The following C7orf78 variants were observed in gnomAD, a reference collection of about 807,000 sequenced individuals.
C7orf78 encodes the protein putative uncharacterized protein C7orf78.
chr7:12,512,768 C>T, the C7orf78 span, among the ~76,000 whole-genome samples: 1 of 152,080 alleles, frequency 6.6e-6, no homozygotes, highest in Non-Finnish European at 1.5e-5. Context: ...TAGTTCTTTA[C>T]ATGTTTAGTA....
chr7:12,505,797 G>A, the C7orf78 span, among the ~76,000 whole-genome samples: 68,838 of 151,810 alleles, frequency 0.45, 15,909 homozygotes, highest in African/African-American at 0.48. Flanking sequence ...ATTGTCTTCA[G>A]TTATTCAAGT....
At chr7:12,539,476 A>C in the C7orf78 span, among the ~76,000 whole-genome samples, 1 of 152,166 alleles carries the variant, frequency 6.6e-6, no homozygotes, top group Non-Finnish European at 1.5e-5. Context: ...AAAACAAAAA[A>C]ACAAAGCCTT....
chr7:12,497,745 G>A, the C7orf78 span, among the ~76,000 whole-genome samples: 2 of 151,464 alleles, frequency 1.3e-5, no homozygotes, highest in African/African-American at 2.4e-5. Flanking sequence ...GCTCAAGGAG[G>A]CCTGCCTGCC....
chr7:12,524,967 T>C, the C7orf78 span, among the ~76,000 whole-genome samples: 428 of 152,320 alleles, frequency 2.8e-3, 5 homozygotes, highest in African/African-American at 9.9e-3. Flanking sequence ...GGCAGAGTGT[T>C]ATAAATTGTG....
the C7orf78 span, among the ~76,000 whole-genome samples, chr7:12,524,669 C>T: frequency 6.6e-6 from 1 of 151,848 alleles, no homozygotes; most frequent in Non-Finnish European, 1.5e-5. Flanking sequence ...ATGGTGAAAC[C>T]CCGTCTTTAC....
the C7orf78 span, among the ~76,000 whole-genome samples, chr7:12,539,711 C>G: frequency 6.6e-6 from 1 of 152,178 alleles, no homozygotes; most frequent in African/African-American, 2.4e-5. Context: ...AGTCTTTAAT[C>G]AGGTGCTGCA....
chr7:12,501,517 C>G, the C7orf78 span, among the ~76,000 whole-genome samples: 4 of 150,496 alleles, frequency 2.7e-5, no homozygotes, highest in South Asian at 8.5e-4. Context: ...AGGAATCCAA[C>G]TTACAAGGGA....
At chr7:12,534,464 A>T in the C7orf78 span, among the ~76,000 whole-genome samples, 10 of 152,228 alleles carry the variant, frequency 6.6e-5, no homozygotes, top group Non-Finnish European at 1.2e-4. Flanking sequence ...CTATCTATAA[A>T]GAAAAAATTA....
the C7orf78 span, among the ~76,000 whole-genome samples, chr7:12,514,156 C>T: frequency 6.6e-6 from 1 of 151,976 alleles, no homozygotes; most frequent in Admixed American, 6.6e-5. Context: ...TTCAAGTATC[C>T]CACTATTATT....
the C7orf78 span, among the ~76,000 whole-genome samples, chr7:12,485,924 T>C: frequency 6.6e-6 from 1 of 152,256 alleles, no homozygotes; most frequent in Non-Finnish European, 1.5e-5. Context: ...CATAAGGAGA[T>C]AGATCCGATA....
At chr7:12,533,521 TTTTTTTTTTC>T in the C7orf78 span, among the ~76,000 whole-genome samples, 1 of 143,300 alleles carries the variant, frequency 7.0e-6, no homozygotes, top group Non-Finnish European at 1.5e-5. Context: ...TCTTTTTTTT[TTTTTTTTTTC>T]TTTGAGATGG....
chr7:12,535,904 G>A, the C7orf78 span, among the ~76,000 whole-genome samples: 2 of 152,226 alleles, frequency 1.3e-5, no homozygotes, highest in Non-Finnish European at 2.9e-5. Context: ...GCTGACACAA[G>A]AGGTGAGTTC....
the C7orf78 span, among the ~76,000 whole-genome samples, chr7:12,503,828 G>A: frequency 6.6e-6 from 1 of 152,046 alleles, no homozygotes; most frequent in African/African-American, 2.4e-5. Flanking sequence ...ATGTAGCAGA[G>A]GCTGAGTGTG....
chr7:12,523,454 A>G, the C7orf78 span: 1 of 397,976 alleles, frequency 2.5e-6, no homozygotes, highest in Non-Finnish European at 4.4e-6. Context: ...AATAAAAACT[A>G]TTTAAGATAG....
chr7:12,523,574 T>C, the C7orf78 span: 9 of 392,528 alleles, frequency 2.3e-5, no homozygotes, highest in East Asian at 3.2e-4. Context: ...TTTTTTCTCA[T>C]GGTACAATAC....
the C7orf78 span, among the ~76,000 whole-genome samples, chr7:12,486,274 T>A: frequency 6.6e-6 from 1 of 152,010 alleles, no homozygotes; most frequent in African/African-American, 2.4e-5. Flanking sequence ...TTTGTATGAG[T>A]CCTAGAAGTT....
chr7:12,506,989 CA>C, the C7orf78 span: 1 of 464,752 alleles, frequency 2.2e-6, no homozygotes, highest in Non-Finnish European at 4.3e-6. Flanking sequence ...CAAATAAAAC[CA>C]AAGATTAAGG....
chr7:12,525,782 G>A, the C7orf78 span: 1 of 395,760 alleles, frequency 2.5e-6, no homozygotes, highest in Non-Finnish European at 4.5e-6. Context: ...GAAACAATAT[G>A]TATTAATAAT....
At chr7:12,490,759 T>C in the C7orf78 span, among the ~76,000 whole-genome samples, 3 of 151,990 alleles carry the variant, frequency 2.0e-5, no homozygotes, top group Non-Finnish European at 2.9e-5. Flanking sequence ...CAAAACATAC[T>C]TGCAATCAGA....
Sources: gnomAD v4.1 joint callset for allele counts (sites outside exome capture counted in the v4.1 genomes callset) on GRCh38, gnomAD v4.1.1 for gene constraint, MANE v1.5 for transcripts, NCBI Gene and HGNC (gene_info 2026-07-23, HGNC 2026-07-21) for gene names.